NKAPD1: variants seen among roughly 807,000 people sequenced by gnomAD.
NKAPD1 encodes NKAP domain containing 1.
NKAPD1 carries 12 observed loss-of-function variants against 30.9 expected under a neutral mutation model. The ratio of observed to expected loss-of-function variants is 0.39; its 90% confidence interval spans 0.25 to 0.63. The LOEUF (loss-of-function observed/expected upper bound fraction) is 0.63, where lower values mean the gene tolerates loss of function less well. Ranked by LOEUF, NKAPD1 falls within the 20% of genes least tolerant of loss-of-function variation. The pLI, the probability that NKAPD1 is intolerant of heterozygous loss-of-function variation, is 0.51. For missense variants in NKAPD1, 311 were observed against 344.5 expected (o/e 0.90, Z 0.77); for synonymous variants, 91 against 113.6 (o/e 0.80, Z 1.26).
In NKAPD1 at chr11:112,083,793, A is replaced by G. The variant is rs965144812; in HGVS notation, c.*821A>G. 3 of 152,646 alleles carry G rather than the reference A, an allele frequency of 2.0e-5. No individual in the cohort carries two copies. The highest frequency in any genetic ancestry group is 7.2e-5 in the African/African-American group (3 of 41,468). The allele number at this position is 152,646 out of a possible 1,614,324, so 9.5% of individuals were successfully genotyped here. A position where few individuals can be genotyped will look rare whatever the true frequency, so the allele number is the denominator to read the frequency against. On this transcript the variant is annotated 3_prime_UTR_variant, in exon 6 of 6. Transcript: ENST00000393047. Reference sequence around the variant, plus strand: ...ATGGTACTCTGGATTCAGGGCAGCAACTGCCATTTAAATGTTGTCTTGTTC... The same window carrying G: ...ATGGTACTCTGGATTCAGGGCAGCAGCTGCCATTTAAATGTTGTCTTGTTC...
At chr11:112,078,453 A>T in intron 3 of NKAPD1, 138 bp downstream of exon 3, 1 of 715,290 alleles carries the variant, frequency 1.4e-6, no homozygotes. Context: ...GTAAATCTAG[A>T]CCCAGGCATA....
chr11:112,074,590 AC>A lies in NKAPD1; in HGVS notation c.-330del, dbSNP rs1367750172. On this transcript the variant is annotated 5_prime_UTR_variant, in exon 1 of 6. Coordinates refer to ENST00000393047, the MANE Select transcript of NKAPD1 (RefSeq NM_018195.4). ...CCAGCCTTTCTGGGGAGTGAAACTT[AC>A]CCCCGGGGTTCGTCCTAGAGGAGCG... 2 of 398,094 alleles carry A rather than the reference AC, an allele frequency of 5.0e-6. No individual in the cohort carries two copies. Among genetic ancestry groups the A allele is most frequent in the African/African-American group, 4.1e-5 (2 of 48,564 alleles). The allele number at this position is 398,094 out of a possible 1,614,324, so 24.7% of individuals were successfully genotyped here.
intron 5 of NKAPD1, 99 bp from the exon 6 acceptor site, chr11:112,082,366 C>G (rs1865471458): frequency 2.9e-6 from 3 of 1,045,208 alleles, no homozygotes; most frequent in African/African-American, 1.8e-5. Context: ...ATTTAAAATT[C>G]AGATGTTAAC....
chr11:112,083,211 A>T lies in NKAPD1; in HGVS notation c.*239A>T, dbSNP rs1179649866. On this transcript the variant is annotated 3_prime_UTR_variant, in exon 6 of 6. Transcript: ENST00000393047. ...TCTTGAAGAGATTATTTTTTTTTGCAATTAATTACGTTTAGTGTAGAGTGC... is the reference window on the plus strand; with the variant it reads ...TCTTGAAGAGATTATTTTTTTTTGCTATTAATTACGTTTAGTGTAGAGTGC... 5.0e-6 allele frequency: 2 copies of T among 400,862 alleles called. No homozygotes were observed. The highest frequency in any genetic ancestry group is 2.0e-5 in the African/African-American group (1 of 49,678). 24.8% of individuals were successfully genotyped at this position (400,862 alleles called of 1,614,324 possible).
At position 112,085,148 on chromosome 11, in the gene NKAPD1, G is replaced by A. The variant is rs1249811117; in HGVS notation, c.*2176G>A. Reference sequence around the variant, plus strand: ...TCCAAATAAATAAATTTCACTCTTTGAACATTTCATCTTTTACTTTTTAGC... The same window carrying A: ...TCCAAATAAATAAATTTCACTCTTTAAACATTTCATCTTTTACTTTTTAGC... On this transcript the variant is annotated 3_prime_UTR_variant, in exon 6 of 6. Coordinates refer to ENST00000393047, the MANE Select transcript of NKAPD1 (RefSeq NM_018195.4). 5 of 541,906 alleles carry A rather than the reference G, an allele frequency of 9.2e-6. No individual in the cohort carries two copies. The highest frequency in any genetic ancestry group is 3.1e-5 in the East Asian group (1 of 32,730). The allele number at this position is 541,906 out of a possible 1,614,324, so 33.6% of individuals were successfully genotyped here.
At position 112,074,650 on chromosome 11, in the gene NKAPD1, C is replaced by G. The variant is rs1469568925; in HGVS notation, c.-275C>G. The G allele has an allele frequency of 2.5e-6, 1 of 396,538 alleles. No homozygotes were observed. The highest frequency in any genetic ancestry group is 2.1e-5 in the African/African-American group (1 of 48,716). The allele number at this position is 396,538 out of a possible 1,614,324, so 24.6% of individuals were successfully genotyped here. On this transcript the variant is annotated 5_prime_UTR_variant, in exon 1 of 6. Coordinates refer to ENST00000393047, the MANE Select transcript of NKAPD1 (RefSeq NM_018195.4). Reference sequence around the variant, plus strand: ...GAATGCCCAGGTCAACCGGGCTGTCCGAATTCCGCCCCGGCTCAGCCTCCG... The same window carrying G: ...GAATGCCCAGGTCAACCGGGCTGTCGGAATTCCGCCCCGGCTCAGCCTCCG...
intron 4 of NKAPD1, chr11:112,080,826 G>A: frequency 2.5e-6 from 1 of 392,824 alleles, no homozygotes. Flanking sequence ...AAAACATCAT[G>A]CTAAGTGAGA....
intron 3 of NKAPD1, among the ~76,000 whole-genome samples, chr11:112,079,553 C>A (rs963006121): frequency 6.6e-6 from 1 of 152,136 alleles, no homozygotes; most frequent in African/African-American, 2.4e-5. Flanking sequence ...TCCAGTATTC[C>A]CATGGGTTAG....
rs1330248182 is a variant in NKAPD1, at chr11:112,083,628, T to TG, written c.*658dup. The TG allele has an allele frequency of 6.6e-6, 1 of 152,630 alleles. No individual in the cohort carries two copies. The highest frequency in any genetic ancestry group is 1.5e-5 in the Non-Finnish European group (1 of 68,040). The allele number at this position is 152,630 out of a possible 1,614,324, so 9.5% of individuals were successfully genotyped here. ...GCTATACTTAGTATATGCCTAAACA[T>TG]GGTAATTGGATAGTAAATGGTTTTC... is the stretch of plus-strand genomic sequence containing the variant. On this transcript the variant is annotated 3_prime_UTR_variant, in exon 6 of 6. Coordinates refer to ENST00000393047, the MANE Select transcript of NKAPD1 (RefSeq NM_018195.4).
intron 3 of NKAPD1, among the ~76,000 whole-genome samples, chr11:112,079,982 T>C (rs1865411454): frequency 2.0e-5 from 3 of 152,054 alleles, no homozygotes; most frequent in Non-Finnish European, 2.9e-5. Flanking sequence ...CTAACTACTT[T>C]TTTTGTATTT....
Position 112,078,219 on chromosome 11 carries a change from A to G in NKAPD1, c.74A>G (p.Gln25Arg), listed in dbSNP as rs377155687. The change falls in exon 3 of 6, where the codon CAG (glutamine) becomes CGG (arginine). Residue 25 changes from glutamine (Q) to arginine (R), a missense_variant. Transcript: ENST00000393047. Reference protein sequence around the residue: ...IRHTDAHNKIQEESDMWKIRE... With the variant: ...IRHTDAHNKIREESDMWKIRE... ...TTTCCTTTTTAAAAATTCTAGATTC[A>G]GGAGGAATCAGATATGTGGAAAATA... The G allele has an allele frequency of 6.9e-6, 11 of 1,598,490 alleles. No individual in the cohort carries two copies. The African/African-American group carries it at 1.2e-4, about 18-fold the overall frequency.
At chr11:112,080,624 G>A (rs770451866) in intron 4 of NKAPD1, 66 bp downstream of exon 4, 1 of 1,541,058 alleles carries the variant, frequency 6.5e-7, no homozygotes, top group Non-Finnish European at 8.7e-7. Flanking sequence ...AAAATTAATT[G>A]TCCCCACAAA....
At chr11:112,079,141 ATTT>A (rs35305300) in intron 3 of NKAPD1, among the ~76,000 whole-genome samples, 3 of 115,946 alleles carry the variant, frequency 2.6e-5, no homozygotes, top group African/African-American at 3.4e-5. Flanking sequence ...GGCCCTTACA[ATTT>A]TTTTTTTTTT....
In NKAPD1 at chr11:112,082,824, G is replaced by C; in HGVS notation, c.734G>C (p.Arg245Thr). 2 of 1,613,886 alleles carry C rather than the reference G, an allele frequency of 1.2e-6. No individual in the cohort carries two copies. Among genetic ancestry groups the C allele is most frequent in the South Asian group, 2.2e-5 (2 of 91,064 alleles). ...AGCAGTTCTGAGGAAAGTGAGGAAA[G>C]AGACACTAAGAAAACCAAAAGGAAA... is the stretch of plus-strand genomic sequence containing the variant. ...ASSSSEESEE[R>T]DTKKTKRKKR... The change falls in exon 6 of 6, where the codon AGA becomes ACA. Residue 245 changes from arginine (R) to threonine (T), a missense_variant. Physicochemically the swap from Arg to Thr is moderately conservative, Grantham distance 71 (BLOSUM62 -1). Transcript: ENST00000393047.
At chr11:112,075,690 C>A in intron 2 of NKAPD1, 47 bp downstream of exon 2, 2 of 1,579,984 alleles carry the variant, frequency 1.3e-6, no homozygotes, top group Non-Finnish European at 1.7e-6. Flanking sequence ...TGAAGGCAAG[C>A]AGTGTGCCAA....
At position 112,083,045 on chromosome 11, in the gene NKAPD1, CTCTTGT is replaced by C; in HGVS notation, c.*76_*81del. On this transcript the variant is annotated 3_prime_UTR_variant, in exon 6 of 6. Transcript: ENST00000393047. ...TTACTCCTTGTGGTTTTGCCAGTGA[CTCTTGT>C]TCAGCACGGGGCCTGAGGTCAGAGC... is the stretch of plus-strand genomic sequence containing the variant. 6.7e-7 allele frequency: 1 copy of C among 1,495,908 alleles called. No homozygotes were observed. The highest frequency in any genetic ancestry group is 8.9e-7 in the Non-Finnish European group (1 of 1,121,938). 92.7% of individuals were successfully genotyped at this position (1,495,908 alleles called of 1,614,324 possible).
Position 112,082,635 on chromosome 11 carries a change from C to G in NKAPD1, c.545C>G (p.Ala182Gly), listed in dbSNP as rs1865481532. Residue 182 changes from alanine (A) to glycine (G), a missense_variant, in exon 6 of 6, where the codon GCA becomes GGA. By Grantham distance (60) the Ala-to-Gly change is moderately conservative (BLOSUM62 0). Transcript: ENST00000393047. The part of the protein sequence containing the change: ...KSKKEATDIT[A>G]DSSSEFSEET... The stretch of plus-strand genomic sequence containing the variant: ...AAAAAGGAAGCCACAGATATAACAG[C>G]AGATTCCTCGAGTGAGTTCTCAGAA... The G allele has an allele frequency of 1.2e-6, 2 of 1,613,848 alleles. No individual in the cohort carries two copies. The highest frequency in any genetic ancestry group is 2.2e-5 in the South Asian group (2 of 90,968).
intron 1 of NKAPD1, 108 bp from the exon 2 acceptor site, chr11:112,075,459 T>C: frequency 1.3e-6 from 1 of 769,004 alleles, no homozygotes; most frequent in Non-Finnish European, 2.1e-6. Context: ...CTCTGACTTC[T>C]AGTTCAGTGA....
chr11:112,082,220 G>A, intron 5 of NKAPD1, 185 bp downstream of exon 5: 1 of 703,848 alleles, frequency 1.4e-6, no homozygotes, highest in South Asian at 2.0e-5. Context: ...ATGTCTGTAA[G>A]CATTTTGGTT....
Sources: gnomAD v4.1 joint callset for allele counts (sites outside exome capture counted in the v4.1 genomes callset) on GRCh38, gnomAD v4.1.1 for gene constraint, MANE v1.5 for transcripts, NCBI Gene and HGNC (gene_info 2026-07-23, HGNC 2026-07-21) for gene names.